ADGRL4: variants seen among roughly 807,000 people sequenced by gnomAD.
ADGRL4 encodes the protein EGF, latrophilin and seven transmembrane domain containing 1.
A neutral mutation model predicts 74.8 loss-of-function variants in ADGRL4; 90 were observed. The observed-to-expected ratio is 1.20, with a 90% confidence interval of 1.02 to 1.43. The LOEUF is 1.43. ADGRL4 is among the 40% of genes most tolerant of loss of function. The pLI is 0.00. For synonymous variants in ADGRL4, 311 were observed against 279.2 expected, an observed-to-expected ratio of 1.11 and a Z score of -1.14; for missense variants, 881 against 814.3, an observed-to-expected ratio of 1.08 and a Z score of -1.00.
intron 14 of ADGRL4, 78 bp downstream of exon 14, chr1:78,891,446 G>A (rs1648270849): frequency 1.4e-6 from 2 of 1,442,100 alleles, no homozygotes; most frequent in Non-Finnish European, 1.9e-6. Context: ...AAATCTATGA[G>A]AGTAAGAATT....
At chr1:78,917,399 GTAT>G (rs1255580572) in intron 12 of ADGRL4, among the ~76,000 whole-genome samples, 5 of 150,596 alleles carry the variant, frequency 3.3e-5, no homozygotes, top group South Asian at 2.1e-4. Context: ...TATTTAAAAA[GTAT>G]TATTATATTT....
Position 78,921,751 on chromosome 1 carries a change from C to A in ADGRL4, c.1119G>T (p.Trp373Cys), listed in dbSNP as rs1187442678. 3.1e-6 allele frequency: 5 copies of A among 1,595,132 alleles called. No individual in the cohort carries two copies. Among genetic ancestry groups the A allele is most frequent in the African/African-American group, 2.7e-5 (2 of 73,320 alleles). ...CATTCATGGTATCAGGTGAGTAATT[C>A]CAAAATGCACATAGACTCCTATACC... ...TDRYRSLCAF[W>C]NYSPDTMNGS... The change falls in exon 9 of 15, where the codon TGG becomes TGT. Residue 373 changes from tryptophan to cysteine, a missense_variant. Physicochemically the swap from Trp to Cys is radical, Grantham distance 215. Transcript: ENST00000370742.
At chr1:78,913,282 A>G (rs151151228) in intron 12 of ADGRL4, among the ~76,000 whole-genome samples, 1 of 152,070 alleles carries the variant, frequency 6.6e-6, no homozygotes, top group Non-Finnish European at 1.5e-5. Context: ...CAATCCCATT[A>G]CTTGGTATAT....
intron 8 of ADGRL4, 143 bp downstream of exon 8, chr1:78,926,743 T>C (rs56828724): frequency 0.087 from 51,240 of 586,448 alleles, 3,543 homozygotes; most frequent in East Asian, 0.34. Flanking sequence ...TATACAAAAA[T>C]TAGTTAAAAC....
intron 2 of ADGRL4, among the ~76,000 whole-genome samples, chr1:78,992,481 T>C (rs2100735398): frequency 2.0e-5 from 3 of 152,182 alleles, no homozygotes; most frequent in Admixed American, 2.0e-4. Flanking sequence ...TGAAAACTCT[T>C]TGACTTGAAC....
chr1:78,939,253 C>T lies in ADGRL4; in HGVS notation c.331G>A (p.Val111Met). The T allele has an allele frequency of 6.4e-7, 1 of 1,560,426 alleles. No individual in the cohort carries two copies. Among genetic ancestry groups the T allele is most frequent in the Non-Finnish European group, 8.7e-7 (1 of 1,155,704 alleles). Residue 111 changes from valine to methionine, a missense_variant, in exon 4 of 15, where the codon GTG becomes ATG. Transcript: ENST00000370742. ...TTATCTAAATGGCAGTTTGCATTCACATTTTCTGTAAAAAAAGAAAATAGA... is the reference window on the plus strand; with the variant it reads ...TTATCTAAATGGCAGTTTGCATTCATATTTTCTGTAAAAAAAGAAAATAGA... ...TNDGTVCIENVNANCHLDNVC... is the reference protein window; with the variant it reads ...TNDGTVCIENMNANCHLDNVC...
chr1:78,904,845 AGT>A (rs1648602638), intron 12 of ADGRL4, among the ~76,000 whole-genome samples: 1 of 152,066 alleles, frequency 6.6e-6, no homozygotes, highest in Non-Finnish European at 1.5e-5. Flanking sequence ...ATTAATGTAA[AGT>A]ACTCCAAAGA....
intron 2 of ADGRL4, among the ~76,000 whole-genome samples, chr1:79,002,406 A>G (rs921224765): frequency 6.6e-6 from 1 of 152,096 alleles, no homozygotes; most frequent in African/African-American, 2.4e-5. Context: ...GAAGTTGAAC[A>G]TGTATGATAT....
At chr1:78,968,269 A>G (rs887058958) in intron 2 of ADGRL4, among the ~76,000 whole-genome samples, 4 of 151,944 alleles carry the variant, frequency 2.6e-5, no homozygotes, top group African/African-American at 9.7e-5. Flanking sequence ...AAATATTTTA[A>G]AAATAGTTAT....
chr1:78,999,818 A>G lies in ADGRL4; in HGVS notation c.172+5252T>C, dbSNP rs143264118. ...TATCTATCTATCTATCTATCTATCTATCTATCTATCTATCTATCTATCTAC... is the reference window on the plus strand; with the variant it reads ...TATCTATCTATCTATCTATCTATCTGTCTATCTATCTATCTATCTATCTAC... On this transcript the variant is annotated intron_variant, in intron 2 of 14. Transcript: ENST00000370742. Among the ~76,000 whole-genome samples, 371 of 149,112 alleles carry G rather than the reference A, an allele frequency of 2.5e-3. 7 individuals are homozygous for G. The East Asian group carries it at 0.04, about 16-fold the overall frequency.
intron 2 of ADGRL4, among the ~76,000 whole-genome samples, chr1:79,003,626 G>A (rs528220592): frequency 1.1e-4 from 16 of 152,034 alleles, no homozygotes; most frequent in African/African-American, 3.4e-4. Context: ...CATTAGAAAC[G>A]TGATTATAAG....
intron 2 of ADGRL4, among the ~76,000 whole-genome samples, chr1:78,956,699 A>G (rs1649836457): frequency 6.6e-6 from 1 of 152,192 alleles, no homozygotes; most frequent in African/African-American, 2.4e-5. Context: ...ACCTATCAAT[A>G]TCATAAAATT....
chr1:78,957,890 AGGCTG>A, intron 2 of ADGRL4, among the ~76,000 whole-genome samples: 1 of 152,216 alleles, frequency 6.6e-6, no homozygotes, highest in African/African-American at 2.4e-5. Flanking sequence ...TTCAAAGCAC[AGGCTG>A]ATGCTCTTGT....
chr1:78,993,774 T>C (rs1019261459), intron 2 of ADGRL4, among the ~76,000 whole-genome samples: 10 of 152,006 alleles, frequency 6.6e-5, no homozygotes, highest in African/African-American at 2.4e-4. Flanking sequence ...GGGGTTTCAC[T>C]GTGTTAGCTA....
At chr1:78,942,056 AG>A (rs1477260422) in intron 3 of ADGRL4, among the ~76,000 whole-genome samples, 1 of 151,180 alleles carries the variant, frequency 6.6e-6, no homozygotes, top group Non-Finnish European at 1.5e-5. Flanking sequence ...AAAATTAGCC[AG>A]GCATGGGTGG....
intron 7 of ADGRL4, among the ~76,000 whole-genome samples, chr1:78,933,239 G>A (rs1439133553): frequency 6.6e-6 from 1 of 151,348 alleles, no homozygotes; most frequent in Non-Finnish European, 1.5e-5. Flanking sequence ...CCACAATCAG[G>A]TCAGCTTCAT....
chr1:78,994,291 G>A (rs1394712747), intron 2 of ADGRL4, among the ~76,000 whole-genome samples: 1 of 152,178 alleles, frequency 6.6e-6, no homozygotes, highest in Non-Finnish European at 1.5e-5. Flanking sequence ...GATTACATCT[G>A]AAGTAATCCC....
intron 13 of ADGRL4, among the ~76,000 whole-genome samples, chr1:78,892,514 A>G (rs1430067407): frequency 6.6e-6 from 1 of 152,112 alleles, no homozygotes; most frequent in Non-Finnish European, 1.5e-5. Flanking sequence ...TAAAACCAGT[A>G]CACTACATGA....
Position 78,964,525 on chromosome 1 carries a change from T to C in ADGRL4, c.173-18099A>G, listed in dbSNP as rs1015203023. ...TAGATTAGGTTGCGTTCCTACTATC[T>C]ACTTAAAATGTTTTTATGTTTATTT... is the stretch of plus-strand genomic sequence containing the variant. On this transcript the variant is annotated intron_variant, in intron 2 of 14. Transcript: ENST00000370742. Among the ~76,000 whole-genome samples the C allele has an allele frequency of 4.6e-5, 7 of 152,212 alleles. No individual in the cohort carries two copies. The South Asian group carries it at 6.2e-4, about 14-fold the overall frequency.
Sources: allele counts gnomAD v4.1 joint callset (sites outside exome capture counted in the v4.1 genomes callset), GRCh38; gene constraint gnomAD v4.1.1; transcripts MANE v1.5; gene names NCBI Gene and HGNC (gene_info 2026-07-23, HGNC 2026-07-21).